The following DNAJC5B variants were observed in gnomAD, a reference collection of about 807,000 sequenced individuals.
DNAJC5B encodes the protein dnaJ homolog subfamily C member 5B.
In DNAJC5B, 23 loss-of-function variants were observed where a neutral mutation model predicts 24.7. The ratio of observed to expected loss-of-function variants is 0.93; its 90% confidence interval spans 0.67 to 1.32. DNAJC5B has a LOEUF of 1.32. Among genes scored for constraint, DNAJC5B ranks in the 40% most tolerant of loss-of-function variants. The pLI, the probability that DNAJC5B is intolerant of heterozygous loss-of-function variation, is 0.00. For missense variants in DNAJC5B, 238 were observed against 240.8 expected, an observed-to-expected ratio of 0.99 and a Z score of 0.08; for synonymous variants, 101 against 90.1, an observed-to-expected ratio of 1.12 and a Z score of -0.68.
chr8:66,021,892 C>T (rs1484792663), intron 1 of DNAJC5B, among the ~76,000 whole-genome samples, 187 bp downstream of exon 1: 1 of 152,210 alleles, frequency 6.6e-6, no homozygotes, highest in Non-Finnish European at 1.5e-5. Flanking sequence ...ACTTGTGCTG[C>T]TGGTGATATA....
At chr8:66,088,929 A>G (rs1807787427) in intron 5 of DNAJC5B, among the ~76,000 whole-genome samples, 1 of 151,802 alleles carries the variant, frequency 6.6e-6, no homozygotes, top group South Asian at 2.1e-4. Flanking sequence ...AACTGTTCCA[A>G]CCTCTGACTG....
At chr8:66,067,381 T>C (rs1807243720) in intron 3 of DNAJC5B, among the ~76,000 whole-genome samples, 2 of 151,694 alleles carry the variant, frequency 1.3e-5, no homozygotes, top group African/African-American at 4.8e-5. Flanking sequence ...GCAATTTTAT[T>C]GAGATTCTGA....
intron 3 of DNAJC5B, among the ~76,000 whole-genome samples, chr8:66,070,128 C>T (rs574975493): frequency 6.6e-6 from 1 of 152,174 alleles, no homozygotes; most frequent in Non-Finnish European, 1.5e-5. Context: ...AAACTGGAAG[C>T]ATTCCCTTTG....
chr8:66,065,700 A>G (rs1324865851), intron 3 of DNAJC5B, among the ~76,000 whole-genome samples: 2 of 152,174 alleles, frequency 1.3e-5, no homozygotes, highest in Non-Finnish European at 2.9e-5. Flanking sequence ...AAGAGGCAAT[A>G]ACACATCATA....
intron 3 of DNAJC5B, chr8:66,056,470 G>A (rs1468564474): frequency 1.3e-5 from 2 of 152,148 alleles, no homozygotes; most frequent in Non-Finnish European, 2.9e-5. Context: ...CCACAGGCTG[G>A]AAAATCCCTT....
At chr8:66,070,053 C>T (rs1282245185) in intron 3 of DNAJC5B, among the ~76,000 whole-genome samples, 1 of 152,126 alleles carries the variant, frequency 6.6e-6, no homozygotes, top group African/African-American at 2.4e-5. Context: ...ATTGATGGAA[C>T]GTATGTCAAG....
chr8:66,051,488 G>C, intron 2 of DNAJC5B, 43 bp from the exon 3 acceptor site: 1 of 1,140,308 alleles, frequency 8.8e-7, no homozygotes, highest in Non-Finnish European at 1.3e-6. Context: ...TAGAGAGTGG[G>C]AAGTAGTGTG....
intron 3 of DNAJC5B, among the ~76,000 whole-genome samples, chr8:66,064,576 G>A (rs1420661276): frequency 6.6e-6 from 1 of 152,166 alleles, no homozygotes; most frequent in Non-Finnish European, 1.5e-5. Flanking sequence ...AACCACAAAT[G>A]TAAATTTTCC....
At chr8:66,098,431 G>A (rs961665057) in intron 5 of DNAJC5B, among the ~76,000 whole-genome samples, 3 of 151,770 alleles carry the variant, frequency 2.0e-5, no homozygotes, top group Admixed American at 2.0e-4. Context: ...TTGATCTCCT[G>A]ACCTCATGAT....
intron 1 of DNAJC5B, among the ~76,000 whole-genome samples, chr8:66,029,337 G>A (rs1319724669): frequency 1.3e-5 from 2 of 152,206 alleles, no homozygotes; most frequent in African/African-American, 2.4e-5. Context: ...GAGCTAAACA[G>A]TGTATAGTAG....
intron 1 of DNAJC5B, among the ~76,000 whole-genome samples, chr8:66,023,518 A>C (rs1400915277): frequency 6.6e-6 from 1 of 152,046 alleles, no homozygotes; most frequent in Non-Finnish European, 1.5e-5. Flanking sequence ...TTTTTTTCTT[A>C]AAAAAACATG....
intron 1 of DNAJC5B, among the ~76,000 whole-genome samples, chr8:66,029,992 T>C (rs1478719089): frequency 6.6e-6 from 1 of 152,222 alleles, no homozygotes; most frequent in Non-Finnish European, 1.5e-5. Context: ...TCAATAAACC[T>C]TGGTGAATAA....
At chr8:66,087,992 T>G (rs13274510) in intron 5 of DNAJC5B, among the ~76,000 whole-genome samples, 16,246 of 152,202 alleles carry the variant, frequency 0.11, 1,290 homozygotes, top group East Asian at 0.31. Context: ...GGACTGTGTG[T>G]GGGGGCTCCA....
intron 2 of DNAJC5B, among the ~76,000 whole-genome samples, chr8:66,049,637 G>C (rs573212254): frequency 6.6e-6 from 1 of 152,130 alleles, no homozygotes. Context: ...TGCATTTCTC[G>C]GAACATAGCC....
At chr8:66,035,555 C>T (rs1806464593) in intron 1 of DNAJC5B, among the ~76,000 whole-genome samples, 1 of 152,172 alleles carries the variant, frequency 6.6e-6, no homozygotes, top group Admixed American at 6.5e-5. Context: ...ATTGGAGGCA[C>T]ACCACAGTGA....
intron 1 of DNAJC5B, among the ~76,000 whole-genome samples, chr8:66,041,629 T>C (rs1287922310): frequency 2.0e-5 from 3 of 152,204 alleles, no homozygotes; most frequent in African/African-American, 7.2e-5. Flanking sequence ...TACTAAGTTC[T>C]TTTTTTCAAA....
chr8:66,058,913 G>T (rs746945564), intron 3 of DNAJC5B, among the ~76,000 whole-genome samples: 4 of 151,870 alleles, frequency 2.6e-5, no homozygotes, highest in Non-Finnish European at 5.9e-5. Context: ...TTTTTTCAAG[G>T]GATGCCAAGC....
intron 3 of DNAJC5B, among the ~76,000 whole-genome samples, chr8:66,070,247 T>C (rs1418045634): frequency 1.3e-5 from 2 of 152,206 alleles, no homozygotes; most frequent in South Asian, 2.1e-4. Flanking sequence ...GGTATTCAAA[T>C]AGGAAGAGAG....
At chr8:66,065,478 C>G (rs1258706239) in intron 3 of DNAJC5B, among the ~76,000 whole-genome samples, 1 of 152,150 alleles carries the variant, frequency 6.6e-6, no homozygotes, top group African/African-American at 2.4e-5. Context: ...AATGGTGCCC[C>G]GAGCTTTCTA....
Sources: allele counts gnomAD v4.1 joint callset (sites outside exome capture counted in the v4.1 genomes callset), GRCh38; gene constraint gnomAD v4.1.1; transcripts MANE v1.5; gene names NCBI Gene and HGNC (gene_info 2026-07-23, HGNC 2026-07-21).